ZNF711: variants seen among roughly 807,000 people sequenced by gnomAD.
ZNF711 encodes the protein zinc finger protein 711.
A neutral mutation model predicts 43.5 loss-of-function variants in ZNF711; 3 were observed. That is an observed-to-expected ratio of 0.07 (90% confidence interval 0.03 to 0.18). The LOEUF is 0.18. Among genes scored for constraint, ZNF711 ranks in the 10% least tolerant of loss-of-function variants. The pLI is 1.00. For synonymous variants in ZNF711, 209 were observed against 207.7 expected (o/e 1.01, Z -0.06); for missense variants, 412 against 604.0 (o/e 0.68, Z 3.33).
intron 4 of ZNF711, among the ~76,000 whole-genome samples, chrX:85,252,667 A>G (rs1417079880): frequency 2.7e-5 from 3 of 111,645 alleles, no homozygotes. Context: ...CATTTCTGAA[A>G]TGCCCAGTGG....
At position 85,270,859 on chromosome X, in the gene ZNF711, A is replaced by G; in HGVS notation, c.1455A>G (p.Ile485Met). 1 of 1,208,663 alleles carries G rather than the reference A, an allele frequency of 8.3e-7. No individual in the cohort carries two copies. Among genetic ancestry groups the G allele is most frequent in the East Asian group, 3.0e-5 (1 of 33,582 alleles). The change falls in exon 11 of 11, where the codon ATA becomes ATG. Residue 485 changes from isoleucine to methionine, a missense_variant. Ile to Met is a conservative substitution (Grantham distance 10). Transcript: ENST00000674551. ...ACCACTTAGAAAGCCATAAGCTCAT[A>G]AACAAAGTCGACAAAACCCATGAAT... is the stretch of plus-strand genomic sequence containing the variant. ...FHNHLESHKL[I>M]NKVDKTHEFT...
rs762753408 is a variant in ZNF711, at chrX:85,245,296, G to A, written c.-405-607G>A. 7.3e-4 allele frequency among the ~76,000 whole-genome samples: 82 copies of A among 112,359 alleles called. 1 individual carries two copies. Among genetic ancestry groups the A allele is most frequent in the African/African-American group, 2.4e-3 (75 of 30,892 alleles). ...ACTCCCCATGCATTAATGGAAAGAT[G>A]TTTACTTGAGACGTACTTGGTGGGT... On this transcript the variant is annotated intron_variant, in intron 1 of 10. Transcript: ENST00000674551.
Position 85,264,436 on chromosome X carries a change from A to T in ZNF711, c.778+6A>T, listed in dbSNP as rs1241027283. 2 of 1,192,699 alleles carry T rather than the reference A, an allele frequency of 1.7e-6. No individual in the cohort carries two copies. The highest frequency in any genetic ancestry group is 2.3e-6 in the Non-Finnish European group (2 of 884,456). Reference sequence around the variant, plus strand: ...TGAAGATGATGTTGAAATAGGTACAAACACTAATTTTAATTTATTGCTCCA... The same window carrying T: ...TGAAGATGATGTTGAAATAGGTACATACACTAATTTTAATTTATTGCTCCA... On this transcript the variant is annotated splice_donor_region_variant and intron_variant, in intron 6 of 10. Transcript: ENST00000674551.
chrX:85,251,337 T>A (rs1569259248), intron 4 of ZNF711, among the ~76,000 whole-genome samples: 2 of 112,056 alleles, frequency 1.8e-5, no homozygotes, highest in African/African-American at 6.5e-5. Context: ...CTTGCTGGTG[T>A]CTCAGTATAA....
chrX:85,253,433 T>C (rs1215017220), intron 4 of ZNF711, among the ~76,000 whole-genome samples: 1 of 111,469 alleles, frequency 9.0e-6, no homozygotes, highest in Non-Finnish European at 1.9e-5. Context: ...CCTTTTTATT[T>C]TAATTTTTTG....
At chrX:85,266,500 A>C (rs375432616) in intron 7 of ZNF711, among the ~76,000 whole-genome samples, 1 of 110,540 alleles carries the variant, frequency 9.0e-6, no homozygotes, top group African/African-American at 3.3e-5. Context: ...GAAGAGGGAT[A>C]CTTTTTTCCC....
rs1930640834 is a variant in ZNF711, at chrX:85,261,465, G to A, written c.623-2810G>A. On this transcript the variant is annotated intron_variant, in intron 5 of 10. Transcript: ENST00000674551. The stretch of plus-strand genomic sequence containing the variant: ...GTTGTTCACTTTTTCACTCTATTGT[G>A]AAATACAGATTCTTTGTATATTGCC... 1.8e-5 allele frequency among the ~76,000 whole-genome samples: 2 copies of A among 110,921 alleles called. 1 individual carries two copies.
At chrX:85,253,719 A>G (rs912028218) in intron 4 of ZNF711, among the ~76,000 whole-genome samples, 1 of 109,469 alleles carries the variant, frequency 9.1e-6, no homozygotes, top group African/African-American at 3.3e-5. Context: ...ATGAAGATGC[A>G]GAGCTGTTCT....
At chrX:85,267,724 T>A (rs960741965) in intron 8 of ZNF711, among the ~76,000 whole-genome samples, 1 of 111,732 alleles carries the variant, frequency 8.9e-6, no homozygotes, top group African/African-American at 3.2e-5. Flanking sequence ...AAATCGATCC[T>A]TCCTCTTTTG....
chrX:85,244,133 G>T lies in ZNF711; in HGVS notation c.-464G>T. ...CGACTGGCGGCACGGAGGCGGCGGC[G>T]GCGGCGGCGGCGGCAGCGGCGGCGG... On this transcript the variant is annotated 5_prime_UTR_variant, in exon 1 of 11. Transcript: ENST00000674551. 6.6e-6 allele frequency: 1 copy of T among 151,374 alleles called. No homozygotes were observed. Among genetic ancestry groups the T allele is most frequent in the Non-Finnish European group, 1.2e-5 (1 of 81,006 alleles). The allele number at this position is 151,374 out of a possible 1,213,427, so 12.5% of individuals were successfully genotyped here. A position where few individuals can be genotyped will look rare whatever the true frequency, so the allele number is the denominator to read the frequency against.
chrX:85,246,584 C>T (rs1929067969), intron 2 of ZNF711, among the ~76,000 whole-genome samples: 1 of 111,991 alleles, frequency 8.9e-6, no homozygotes. Context: ...ATTTATTAAG[C>T]AGTCCTACGT....
At chrX:85,256,252 TA>T (rs776220391) in intron 5 of ZNF711, among the ~76,000 whole-genome samples, 24 of 111,856 alleles carry the variant, frequency 2.1e-4, no homozygotes, top group Non-Finnish European at 4.3e-4. Flanking sequence ...AAGTAAATCA[TA>T]AACTCAGATA....
At chrX:85,253,342 T>C (rs940751516) in intron 4 of ZNF711, among the ~76,000 whole-genome samples, 6 of 112,292 alleles carry the variant, frequency 5.3e-5, no homozygotes, top group African/African-American at 1.9e-4. Flanking sequence ...GTTCAGACAC[T>C]TTCATGTTCA....
chrX:85,248,592 A>G (rs1240304563), intron 4 of ZNF711, among the ~76,000 whole-genome samples: 1 of 110,906 alleles, frequency 9.0e-6, no homozygotes, highest in African/African-American at 3.3e-5. Context: ...CAACAAATAA[A>G]CTGAATTTGG....
chrX:85,248,627 G>A (rs1411486503), intron 4 of ZNF711, among the ~76,000 whole-genome samples: 5 of 110,926 alleles, frequency 4.5e-5, no homozygotes, highest in Non-Finnish European at 9.4e-5. Flanking sequence ...AATTACAGAG[G>A]AGATAGAGCT....
rs1930932270 is a variant in ZNF711 at position 85,264,466 on chromosome X, G to A, written c.778+36G>A. 4.4e-6 allele frequency: 5 copies of A among 1,137,092 alleles called. No individual in the cohort carries two copies. In the South Asian group the frequency reaches 1.0e-4, roughly 24 times the overall value. 93.7% of individuals were successfully genotyped at this position (1,137,092 alleles called of 1,213,427 possible). On this transcript the variant is annotated intron_variant, in intron 6 of 10. Coordinates refer to ENST00000674551, the MANE Select transcript of ZNF711 (RefSeq NM_001330574.2). ...TAATTTTAATTTATTGCTCCAATAG[G>A]AGTTATAATTTATTATATTTTCTGG...
rs1219347211 is a variant in ZNF711 at position 85,255,672 on chromosome X, A to G, written c.493A>G (p.Thr165Ala). Residue 165 changes from threonine to alanine, a missense_variant, in exon 5 of 11, where the codon ACT (threonine) becomes GCT (alanine). Physicochemically the swap from Thr to Ala is moderately conservative, Grantham distance 58 (BLOSUM62 0). Transcript: ENST00000674551. ...PTMVSEEVLV[T>A]NSDTETVIQA... Reference sequence around the variant, plus strand: ...AATGGTATCAGAGGAGGTTCTTGTAACTAATTCAGATACAGAAACTGTGAT... The same window carrying G: ...AATGGTATCAGAGGAGGTTCTTGTAGCTAATTCAGATACAGAAACTGTGAT... 1.7e-6 allele frequency: 2 copies of G among 1,209,442 alleles called. No homozygotes were observed. The highest frequency in any genetic ancestry group is 2.2e-6 in the Non-Finnish European group (2 of 895,124).
Position 85,270,242 on chromosome X carries a change from A to G in ZNF711, c.1246+96A>G, listed in dbSNP as rs12011767. On this transcript the variant is annotated intron_variant, in intron 10 of 10. Transcript: ENST00000674551. ...TATCGATGGTTTACTTGGCAGTTCT[A>G]CTCTCCATGTACCTGTTTGTGTATG... 5,455 of 930,187 alleles carry G rather than the reference A, an allele frequency of 5.9e-3. 179 individuals are homozygous for G. The African/African-American group carries it at 0.097, about 17-fold the overall frequency. 76.7% of individuals were successfully genotyped at this position (930,187 alleles called of 1,213,427 possible). A position where few individuals can be genotyped will look rare whatever the true frequency, so the allele number is the denominator to read the frequency against.
At chrX:85,267,741 CTT>C (rs2084103065) in intron 8 of ZNF711, among the ~76,000 whole-genome samples, 2 of 111,336 alleles carry the variant, frequency 1.8e-5, no homozygotes, top group African/African-American at 6.5e-5. Context: ...TTTGGAAAAA[CTT>C]ATTTCATTTA....
Sources: gnomAD v4.1 joint callset for allele counts (sites outside exome capture counted in the v4.1 genomes callset) on GRCh38, gnomAD v4.1.1 for gene constraint, MANE v1.5 for transcripts, NCBI Gene and HGNC (gene_info 2026-07-23, HGNC 2026-07-21) for gene names.